Variants in KRT76 observed in about 807,000 individuals in gnomAD.
KRT76 encodes the protein keratin, type II cytoskeletal 2 oral.
In KRT76, 47 loss-of-function variants were observed where a neutral mutation model predicts 44.9. The ratio of observed to expected loss-of-function variants is 1.05; its 90% CI spans 0.83 to 1.33. The LOEUF is 1.33. Ranked by LOEUF, KRT76 falls within the 40% of genes most tolerant of loss-of-function variation. The pLI is 0.00. For synonymous variants in KRT76, 331 were observed against 294.1 expected, an observed-to-expected ratio of 1.13 and a Z score of -1.28; for missense variants, 860 against 775.8, an observed-to-expected ratio of 1.11 and a Z score of -1.29.
Position 52,773,655 on chromosome 12 carries a change from G to A in KRT76, c.816-13C>T, listed in dbSNP as rs140866466. 7.5e-4 allele frequency: 1,201 copies of A among 1,611,266 alleles called. 10 individuals are homozygous for A. In the African/African-American group the frequency reaches 0.013, roughly 17 times the overall value. ...TTCATCTTCATACCTGGAACAAGAA[G>A]AGGCACACATTTGAACACTGGCATT... On this transcript the variant is annotated splice_polypyrimidine_tract_variant and intron_variant, in intron 2 of 8. Coordinates refer to ENST00000332411, the MANE Select transcript of KRT76 (RefSeq NM_015848.4).
intron 7 of KRT76, among the ~76,000 whole-genome samples, chr12:52,770,700 T>G (rs1032882635): frequency 6.6e-6 from 1 of 152,224 alleles, no homozygotes; most frequent in African/African-American, 2.4e-5. Context: ...TCTCAAAAAG[T>G]TCCAGTGGAC....
At chr12:52,776,194 C>A (rs908370195) in intron 1 of KRT76, among the ~76,000 whole-genome samples, 1 of 152,158 alleles carries the variant, frequency 6.6e-6, no homozygotes, top group Non-Finnish European at 1.5e-5. Context: ...CCCAGAACAC[C>A]CTCCTCTGCC....
At chr12:52,776,598 C>T (rs1939263486) in intron 1 of KRT76, 94 bp downstream of exon 1, 1 of 1,600,778 alleles carries the variant, frequency 6.2e-7, no homozygotes, top group Admixed American at 1.7e-5. Context: ...GCCAAGCGCC[C>T]CTGCCCTGTG....
rs1287476581 is a variant in KRT76 at position 52,777,136 on chromosome 12, G to T, written c.156C>A (p.Ser52Arg). The T allele has an allele frequency of 1.2e-6, 2 of 1,614,084 alleles. No homozygotes were observed. Among genetic ancestry groups the T allele is most frequent in the African/African-American group, 2.7e-5 (2 of 74,938 alleles). The change falls in exon 1 of 9, where the codon AGC becomes AGA. Residue 52 changes from serine (S) to arginine (R), a missense_variant. Transcript: ENST00000332411. ...GACGFRSGAGSFGSRSLYNLG... is the reference protein window; with the variant it reads ...GACGFRSGAGRFGSRSLYNLG... ...GGTTGTAGAGGCTGCGACTGCCAAA[G>T]CTGCCTGCTCCGCTCCTGAAGCCAC...
At chr12:52,773,864 C>G (rs1939223424) in intron 2 of KRT76, among the ~76,000 whole-genome samples, 2 of 150,894 alleles carry the variant, frequency 1.3e-5, no homozygotes, top group African/African-American at 4.9e-5. Flanking sequence ...CAAGGTTTCA[C>G]CCTGTCACCT....
intron 1 of KRT76, among the ~76,000 whole-genome samples, chr12:52,776,432 G>T (rs1939261641): frequency 6.6e-6 from 1 of 152,210 alleles, no homozygotes; most frequent in Non-Finnish European, 1.5e-5. Flanking sequence ...CTAAGAGCAT[G>T]TTTGGACCCC....
In KRT76 at chr12:52,772,253, C is replaced by G. The variant is rs777017133; in HGVS notation, c.978G>C (p.Leu326=). 6.3e-7 allele frequency: 1 copy of G among 1,594,128 alleles called. No individual in the cohort carries two copies. Among genetic ancestry groups the G allele is most frequent in the South Asian group, 1.2e-5 (1 of 86,746 alleles). Residue 326 remains leucine (L), a synonymous_variant, in exon 5 of 9, where the codon CTG becomes CTC. Coordinates refer to ENST00000332411, the MANE Select transcript of KRT76 (RefSeq NM_015848.4). ...CACTGGCATGGCTTTGCATCTGGGA[C>G]AGCTCCTGCAGGAAACATGGATAGT... is the stretch of plus-strand genomic sequence containing the variant. ...SFLRTLYEME[L]SQMQSHASDT... is the part of the protein sequence containing the mutation.
chr12:52,772,725 G>T (rs1939205369), intron 4 of KRT76, 58 bp downstream of exon 4: 2 of 1,277,038 alleles, frequency 1.6e-6, no homozygotes, highest in Non-Finnish European at 2.3e-6. Context: ...GTCCCCTAAA[G>T]TTATGCTTGG....
intron 2 of KRT76, among the ~76,000 whole-genome samples, chr12:52,773,957 A>G (rs1939224576): frequency 6.6e-6 from 1 of 151,470 alleles, no homozygotes; most frequent in East Asian, 1.9e-4. Flanking sequence ...TCAGACTCCC[A>G]AATAGCTGGG....
intron 2 of KRT76, 59 bp from the exon 3 acceptor site, chr12:52,773,701 T>C: frequency 6.8e-7 from 1 of 1,479,278 alleles, no homozygotes; most frequent in Non-Finnish European, 9.4e-7. Context: ...AAAAGAGAGG[T>C]GAGGATTCCA....
At position 52,768,801 on chromosome 12, in the gene KRT76, C is replaced by T. The variant is rs1592292128; in HGVS notation, c.1829G>A (p.Gly610Glu). ...TCCACCACCAGACTTGTAGCCACTTCCTCCAGAAGTCTGGATGCTGCCAGA... is the reference window on the plus strand; with the variant it reads ...TCCACCACCAGACTTGTAGCCACTTTCTCCAGAAGTCTGGATGCTGCCAGA... ...SSSGSIQTSG[G>E]SGYKSGGGGS... Residue 610 changes from glycine (G) to glutamate (E), a missense_variant, in exon 9 of 9, where the codon GGA becomes GAA. Transcript: ENST00000332411. The T allele has an allele frequency of 6.2e-7, 1 of 1,613,852 alleles. No individual in the cohort carries two copies. The highest frequency in any genetic ancestry group is 8.5e-7 in the Non-Finnish European group (1 of 1,179,826).
In KRT76 at chr12:52,775,525, C is replaced by T. The variant is rs148316600; in HGVS notation, c.678G>A (p.Gly226=). The T allele has an allele frequency of 3.3e-5, 54 of 1,614,044 alleles. No homozygotes were observed. The highest frequency in any genetic ancestry group is 4.4e-5 in the Non-Finnish European group (52 of 1,180,054). ...ELLQQQTTGS[G]PSSLEPCFES... is the part of the protein sequence containing the mutation. Reference sequence around the variant, plus strand: ...CAAAACAAGGCTCCAGGCTGCTGGGCCCTGAGCCTGTGGTCTGCTGCTGGA... The same window carrying T: ...CAAAACAAGGCTCCAGGCTGCTGGGTCCTGAGCCTGTGGTCTGCTGCTGGA... Residue 226 remains glycine, a synonymous_variant, in exon 2 of 9, where the codon GGG becomes GGA. Coordinates refer to ENST00000332411, the MANE Select transcript of KRT76 (RefSeq NM_015848.4).
intron 6 of KRT76, 114 bp downstream of exon 6, chr12:52,771,757 A>G (rs1263371958): frequency 7.5e-7 from 1 of 1,328,158 alleles, no homozygotes; most frequent in Non-Finnish European, 1.0e-6. Flanking sequence ...GCGCTATCCC[A>G]CATGTGACAC....
intron 4 of KRT76, 123 bp from the exon 5 acceptor site, chr12:52,772,381 C>G (rs1282031071): frequency 2.2e-6 from 2 of 916,766 alleles, no homozygotes; most frequent in Admixed American, 5.9e-5. Context: ...AATAAGCTCA[C>G]ATTTTAGGCC....
chr12:52,772,825 G>C lies in KRT76; in HGVS notation c.930C>G (p.Ser310Arg). 10 of 1,614,046 alleles carry C rather than the reference G, an allele frequency of 6.2e-6. No homozygotes were observed. Among genetic ancestry groups the C allele is most frequent in the South Asian group, 1.1e-5 (1 of 91,084 alleles). ...NKVELQAKVD[S>R]LTDEVSFLRT... ...TCAGGAAGCTGACTTCATCTGTCAG[G>C]CTGTCCACTTTGGCCTGCAGCTCCA... The change falls in exon 4 of 9, where the codon AGC becomes AGG. Residue 310 changes from serine to arginine, a missense_variant. Ser to Arg is a moderately radical substitution (Grantham distance 110). Transcript: ENST00000332411.
Position 52,777,043 on chromosome 12 carries a change from T to A in KRT76, c.249A>T (p.Gly83=). The change falls in exon 1 of 9, where the codon GGA becomes GGT. Residue 83 remains glycine (G), a synonymous_variant. Transcript: ENST00000332411. ...CTGCAAAGCCACAGCTGCTCCGCCC[T>A]CCCCCAAAGCCTCCAGCCCGGGAGC... ...AGSSRAGGFG[G]GRSSCGFAGG... The A allele has an allele frequency of 1.9e-6, 3 of 1,613,834 alleles. No homozygotes were observed. The highest frequency in any genetic ancestry group is 2.5e-6 in the Non-Finnish European group (3 of 1,179,912).
In KRT76 at chr12:52,768,580, C is replaced by T; in HGVS notation, c.*133G>A. 9.7e-7 allele frequency: 1 copy of T among 1,036,264 alleles called. No individual in the cohort carries two copies. The highest frequency in any genetic ancestry group is 1.4e-6 in the Non-Finnish European group (1 of 710,960). 64.2% of individuals were successfully genotyped at this position (1,036,264 alleles called of 1,614,324 possible). ...CATGGGGATGGAGAAACCAGGAGTT[C>T]AGCTTCTTCTCCAGGGAACTTGAGG... On this transcript the variant is annotated 3_prime_UTR_variant, in exon 9 of 9. Coordinates refer to ENST00000332411, the MANE Select transcript of KRT76 (RefSeq NM_015848.4).
Position 52,777,137 on chromosome 12 carries a change from C to A in KRT76, c.155G>T (p.Ser52Ile). The change falls in exon 1 of 9, where the codon AGC (serine) becomes ATC (isoleucine). Residue 52 changes from serine (S) to isoleucine (I), a missense_variant. Ser to Ile is a moderately radical substitution (Grantham distance 142). Transcript: ENST00000332411. ...GACGFRSGAG[S>I]FGSRSLYNLG... ...GTTGTAGAGGCTGCGACTGCCAAAG[C>A]TGCCTGCTCCGCTCCTGAAGCCACA... The A allele has an allele frequency of 6.2e-7, 1 of 1,614,226 alleles. No homozygotes were observed. Among genetic ancestry groups the A allele is most frequent in the Non-Finnish European group, 8.5e-7 (1 of 1,180,042 alleles).
intron 2 of KRT76, among the ~76,000 whole-genome samples, chr12:52,774,353 A>T (rs956050255): frequency 1.3e-5 from 2 of 152,194 alleles, no homozygotes; most frequent in African/African-American, 4.8e-5. Context: ...CAATGTGTGC[A>T]TATGGAACCC....
Sources: allele counts gnomAD v4.1 joint callset (sites outside exome capture counted in the v4.1 genomes callset), GRCh38; gene constraint gnomAD v4.1.1; transcripts MANE v1.5; gene names NCBI Gene and HGNC (gene_info 2026-07-23, HGNC 2026-07-21).